LRMDA: variants seen among roughly 807,000 people sequenced by gnomAD.
The protein encoded by LRMDA is leucine-rich melanocyte differentiation-associated protein.
LRMDA carries 18 observed loss-of-function variants against 29.8 expected under a neutral mutation model. The observed-to-expected ratio is 0.60, with a 90% CI of 0.42 to 0.90. The LOEUF (loss-of-function observed/expected upper bound fraction) is 0.90. Ranked by LOEUF, LRMDA falls within the 40% of genes least tolerant of loss-of-function variation. The pLI, the probability that LRMDA is intolerant of heterozygous loss-of-function variation, is 0.00. For synonymous variants in LRMDA, 125 were observed against 109.4 expected (o/e 1.14, Z -0.89); for missense variants, 273 against 273.9 (o/e 1.00, Z 0.02).
intron 2 of LRMDA, among the ~76,000 whole-genome samples, chr10:75,752,414 T>C (rs1241809857): frequency 1.3e-5 from 2 of 152,164 alleles, no homozygotes; most frequent in Admixed American, 6.5e-5. Context: ...GGTTTCACCA[T>C]GTTAGCCAGG....
chr10:76,510,734 G>T (rs1843002373), intron 6 of LRMDA, among the ~76,000 whole-genome samples: 1 of 152,134 alleles, frequency 6.6e-6, no homozygotes, highest in Non-Finnish European at 1.5e-5. Context: ...TTGAGATGAG[G>T]TCTTCCAGAG....
Position 76,500,201 on chromosome 10 carries a change from C to T in LRMDA, c.602-57008C>T, listed in dbSNP as rs1236358227. On this transcript the variant is annotated intron_variant, in intron 6 of 6. Coordinates refer to ENST00000611255, the MANE Select transcript of LRMDA (RefSeq NM_001305581.2). ...AGTTTTATATTTTAAAAGCTAAGCA[C>T]GCTTACTGCAGAAGAATATATAAAA... is the stretch of plus-strand genomic sequence containing the variant. Among the ~76,000 whole-genome samples, 2 of 75,882 alleles carry T rather than the reference C, an allele frequency of 2.6e-5. 1 individual carries two copies. The highest frequency in any genetic ancestry group is 2.5e-4 in the Admixed American group (2 of 8,136). 49.8% of individuals were successfully genotyped at this position (75,882 alleles called of 152,430 possible).
chr10:76,178,599 T>C (rs959121494), intron 5 of LRMDA, among the ~76,000 whole-genome samples: 7 of 151,924 alleles, frequency 4.6e-5, no homozygotes, highest in African/African-American at 1.7e-4. Context: ...TCAGTTGGGG[T>C]GAGGAATAGG....
chr10:75,592,989 T>C (rs1029769554), intron 2 of LRMDA, among the ~76,000 whole-genome samples: 2 of 152,068 alleles, frequency 1.3e-5, no homozygotes, highest in African/African-American at 4.8e-5. Flanking sequence ...TCCATAATCA[T>C]CTCCACCCCC....
intron 6 of LRMDA, among the ~76,000 whole-genome samples, chr10:76,392,745 A>G (rs1250614491): frequency 6.6e-6 from 1 of 152,108 alleles, no homozygotes; most frequent in East Asian, 1.9e-4. Context: ...ACATATTGTT[A>G]TAATCTATAG....
intron 2 of LRMDA, among the ~76,000 whole-genome samples, chr10:75,518,927 T>G (rs1211787533): frequency 3.3e-5 from 5 of 152,178 alleles, no homozygotes; most frequent in Non-Finnish European, 7.4e-5. Flanking sequence ...TGGTTTCAAA[T>G]AACATATTTA....
rs879425535 is a variant in LRMDA at position 75,560,471 on chromosome 10, A to G, written c.131+121977A>G. 3.1e-3 allele frequency among the ~76,000 whole-genome samples: 467 copies of G among 151,358 alleles called. 1 individual carries two copies. Among genetic ancestry groups the G allele is most frequent in the Non-Finnish European group, 5.6e-3 (376 of 67,742 alleles). On this transcript the variant is annotated intron_variant, in intron 2 of 6. Transcript: ENST00000611255. Reference sequence around the variant, plus strand: ...GGTTTTCTAGATATACAATCATGTCATCTGCAAACAGGGACAATTTGACTT... The same window carrying G: ...GGTTTTCTAGATATACAATCATGTCGTCTGCAAACAGGGACAATTTGACTT...
At chr10:75,620,901 C>A (rs988909209) in intron 2 of LRMDA, among the ~76,000 whole-genome samples, 1 of 152,042 alleles carries the variant, frequency 6.6e-6, no homozygotes, top group Non-Finnish European at 1.5e-5. Flanking sequence ...TGAATAAGTT[C>A]TTTGGTGGTG....
intron 2 of LRMDA, among the ~76,000 whole-genome samples, chr10:75,794,656 A>G (rs1306088779): frequency 6.6e-6 from 1 of 152,160 alleles, no homozygotes; most frequent in African/African-American, 2.4e-5. Flanking sequence ...ATGGTATCTC[A>G]CTGTAGTTTT....
intron 5 of LRMDA, among the ~76,000 whole-genome samples, chr10:76,316,472 C>T (rs1840701051): frequency 6.6e-6 from 1 of 152,134 alleles, no homozygotes; most frequent in African/African-American, 2.4e-5. Flanking sequence ...GGATCTGGGC[C>T]GGTAGTGCCA....
chr10:76,292,761 C>T (rs1315277550), intron 5 of LRMDA, among the ~76,000 whole-genome samples: 1 of 151,498 alleles, frequency 6.6e-6, no homozygotes, highest in Non-Finnish European at 1.5e-5. Flanking sequence ...TTGACTGACA[C>T]CAGAAAGCCG....
intron 2 of LRMDA, among the ~76,000 whole-genome samples, chr10:75,749,820 T>C (rs1022271428): frequency 1.3e-5 from 2 of 151,984 alleles, no homozygotes; most frequent in Admixed American, 1.3e-4. Context: ...GATTAGGGAG[T>C]GGTGATGACT....
chr10:76,280,915 G>A (rs940792924), intron 5 of LRMDA, among the ~76,000 whole-genome samples: 5 of 152,118 alleles, frequency 3.3e-5, no homozygotes, highest in Admixed American at 6.5e-5. Context: ...AGCAACCATT[G>A]TAGAATTGCT....
At chr10:75,660,673 A>G (rs898742431) in intron 2 of LRMDA, among the ~76,000 whole-genome samples, 5 of 152,194 alleles carry the variant, frequency 3.3e-5, no homozygotes, top group Admixed American at 3.3e-4. Flanking sequence ...TCAAAAACAG[A>G]GAATGAATGA....
intron 5 of LRMDA, among the ~76,000 whole-genome samples, chr10:76,074,213 G>A (rs575892595): frequency 1.4e-4 from 22 of 152,178 alleles, no homozygotes; most frequent in African/African-American, 5.3e-4. Context: ...AACTAAATAT[G>A]AAGTTTTCAG....
intron 2 of LRMDA, among the ~76,000 whole-genome samples, chr10:75,911,443 T>A (rs1389849281): frequency 6.6e-6 from 1 of 152,162 alleles, no homozygotes; most frequent in Admixed American, 6.5e-5. Flanking sequence ...AGGTAGAAAT[T>A]CAGGTTAATT....
intron 2 of LRMDA, among the ~76,000 whole-genome samples, chr10:76,031,098 A>T (rs1157114388): frequency 6.6e-6 from 1 of 152,196 alleles, no homozygotes; most frequent in Non-Finnish European, 1.5e-5. Flanking sequence ...ATTAGAATTG[A>T]TGCTGGCTGG....
chr10:75,871,340 T>A (rs932959951), intron 2 of LRMDA, among the ~76,000 whole-genome samples: 3 of 152,200 alleles, frequency 2.0e-5, no homozygotes, highest in Non-Finnish European at 4.4e-5. Flanking sequence ...CAAATGAGCC[T>A]GTGCATAAGT....
chr10:75,515,390 A>G (rs1215097904), intron 2 of LRMDA, among the ~76,000 whole-genome samples: 1 of 152,164 alleles, frequency 6.6e-6, no homozygotes. Context: ...ATTTTATTTT[A>G]GAGATGGAGT....
Sources: gnomAD v4.1 joint callset for allele counts (sites outside exome capture counted in the v4.1 genomes callset) on GRCh38, gnomAD v4.1.1 for gene constraint, MANE v1.5 for transcripts, NCBI Gene and HGNC (gene_info 2026-07-23, HGNC 2026-07-21) for gene names.